SVEP1: variants seen among roughly 807,000 people sequenced by gnomAD.
SVEP1 encodes sushi, von Willebrand factor type A, EGF and pentraxin domain containing 1, also known as sushi, von Willebrand factor type A, EGF and pentraxin domain-containing protein 1.
SVEP1 carries 164 observed loss-of-function variants against 367.3 expected under a neutral mutation model. The observed-to-expected ratio is 0.45, with a 90% CI of 0.39 to 0.51. The LOEUF is 0.51. Among genes scored for constraint, SVEP1 ranks in the 20% least tolerant of loss-of-function variants. The probability of loss-of-function intolerance (pLI) is 0.00; values close to 1 mark genes in which losing one functional copy is unlikely to be tolerated. For synonymous variants in SVEP1, 1,666 were observed against 1,611.6 expected, an observed-to-expected ratio of 1.03 and a Z score of -0.81; for missense variants, 4,117 against 4,425.3, an observed-to-expected ratio of 0.93 and a Z score of 1.98.
chr9:110,454,310 C>G (rs571609988), intron 22 of SVEP1, among the ~76,000 whole-genome samples: 1 of 152,168 alleles, frequency 6.6e-6, no homozygotes, highest in Non-Finnish European at 1.5e-5. Context: ...AGGGTATTCC[C>G]TAGGTTTTCT....
rs1813604701 is a variant in SVEP1 at position 110,489,500 on chromosome 9, T to G, written c.1930+150A>C. The G allele has an allele frequency of 6.3e-6, 4 of 634,476 alleles. No individual in the cohort carries two copies. The Admixed American group carries it at 1.4e-4, about 23-fold the overall frequency. The allele number at this position is 634,476 out of a possible 1,614,324, so 39.3% of individuals were successfully genotyped here. A position where few individuals can be genotyped will look rare whatever the true frequency, so the allele number is the denominator to read the frequency against. ...ATAAAACCATCAGATCTTCTGAGACTTATTCACTATCATGAGGACAGCATG... is the reference window on the plus strand; with the variant it reads ...ATAAAACCATCAGATCTTCTGAGACGTATTCACTATCATGAGGACAGCATG... On this transcript the variant is annotated intron_variant, in intron 9 of 47. Transcript: ENST00000374469.
intron 40 of SVEP1, among the ~76,000 whole-genome samples, 179 bp from the exon 41 acceptor site, chr9:110,389,766 A>AT (rs1377781949): frequency 1.4e-4 from 22 of 152,194 alleles, no homozygotes; most frequent in Non-Finnish European, 2.1e-4. Flanking sequence ...TATTTATCAA[A>AT]TTGCTTCAAA....
At chr9:110,554,054 G>A (rs1198426607) in intron 1 of SVEP1, among the ~76,000 whole-genome samples, 4 of 152,120 alleles carry the variant, frequency 2.6e-5, no homozygotes, top group Admixed American at 2.0e-4. Context: ...CAATTTTCCT[G>A]CAAATTATTT....
intron 40 of SVEP1, among the ~76,000 whole-genome samples, chr9:110,390,012 A>AGT (rs138667082): frequency 0.22 from 25,751 of 115,422 alleles, 2,357 homozygotes; most frequent in Middle Eastern, 0.33. Flanking sequence ...TATACACATA[A>AGT]GTGTGTGTGT....
At chr9:110,462,181 AAAAAG>A (rs1337740144) in intron 18 of SVEP1, among the ~76,000 whole-genome samples, 4 of 152,136 alleles carry the variant, frequency 2.6e-5, no homozygotes, top group African/African-American at 7.2e-5. Context: ...AAAGATGCTC[AAAAAG>A]AAAAGATGTT....
chr9:110,404,464 T>A lies in SVEP1; in HGVS notation c.9529A>T (p.Ser3177Cys). The change falls in exon 39 of 48, where the codon AGT (serine) becomes TGT (cysteine). Residue 3177 changes from serine to cysteine, a missense_variant. Ser to Cys is a moderately radical substitution (Grantham distance 112). This residue lies in a region of SVEP1 where 1,765 missense variants were observed against 1,781.1 expected (regional missense o/e 0.99). Coordinates refer to ENST00000374469, the MANE Select transcript of SVEP1 (RefSeq NM_153366.4). The stretch of plus-strand genomic sequence containing the variant: ...TCCGGGAGAGGACATTTTTTAGGAC[T>A]GCAGGAGATTCTCTCAGGGAACCAG... Reference protein sequence around the residue: ...GRWFPERISCSPKKCPLPENI... With the variant: ...GRWFPERISCCPKKCPLPENI... The A allele has an allele frequency of 6.2e-7, 1 of 1,614,042 alleles. No homozygotes were observed. The highest frequency in any genetic ancestry group is 1.1e-5 in the South Asian group (1 of 91,084).
rs983249345 is a variant in SVEP1, at chr9:110,579,659, C to G, written c.-116G>C. The G allele has an allele frequency of 8.0e-7, 1 of 1,253,880 alleles. No individual in the cohort carries two copies. The highest frequency in any genetic ancestry group is 1.6e-5 in the African/African-American group (1 of 62,270). 77.7% of individuals were successfully genotyped at this position (1,253,880 alleles called of 1,614,324 possible). On this transcript the variant is annotated 5_prime_UTR_variant, in exon 1 of 48. Coordinates refer to ENST00000374469, the MANE Select transcript of SVEP1 (RefSeq NM_153366.4). The surrounding 1 kb of genome is among the most constrained non-coding windows in gnomAD (Gnocchi z 5.3). ...GCGGAGCTGGGCGCGGGGCAGCGGC[C>G]AAGAGCCTCAGCGCCCTTTCATCTG...
intron 36 of SVEP1, among the ~76,000 whole-genome samples, chr9:110,414,040 A>G (rs1326623891): frequency 2.0e-5 from 3 of 151,974 alleles, no homozygotes; most frequent in Non-Finnish European, 2.9e-5. Flanking sequence ...TCAGTTTCCA[A>G]CACCTACACC....
intron 3 of SVEP1, among the ~76,000 whole-genome samples, chr9:110,538,367 A>G (rs1386955931): frequency 6.6e-6 from 1 of 152,084 alleles, no homozygotes; most frequent in Non-Finnish European, 1.5e-5. Flanking sequence ...ACCACTGAGG[A>G]TATTTTTGGG....
In SVEP1 at chr9:110,496,823, C is replaced by T. The variant is rs1010050619; in HGVS notation, c.1792G>A (p.Gly598Ser). 1 of 1,554,036 alleles carries T rather than the reference C, an allele frequency of 6.4e-7. No individual in the cohort carries two copies. Among genetic ancestry groups the T allele is most frequent in the African/African-American group, 1.4e-5 (1 of 73,372 alleles). ...WQIPTAKDNS[G>S]EKVSVHVHPA... ...AATTGCACAAACCTTACCTTTTCAC[C>T]AGAGTTGTCTTTAGCTGTTGGAATC... Residue 598 changes from glycine to serine, a missense_variant, in exon 8 of 48, where the codon GGT (glycine) becomes AGT (serine). Coordinates refer to ENST00000374469, the MANE Select transcript of SVEP1 (RefSeq NM_153366.4).
intron 3 of SVEP1, among the ~76,000 whole-genome samples, chr9:110,528,156 G>GTGTGTGTGTATATATATATATATATA: frequency 2.9e-5 from 1 of 33,940 alleles, no homozygotes; most frequent in Non-Finnish European, 5.7e-5. Flanking sequence ...GTGTGTGTGT[G>GTGTGTGTGTATATATATATATATATA]TATATATATA....
rs771872229 is a variant in SVEP1, at chr9:110,512,911, T to C, written c.1303+15A>G. 1.2e-6 allele frequency: 2 copies of C among 1,613,830 alleles called. No homozygotes were observed. The highest frequency in any genetic ancestry group is 1.7e-5 in the Admixed American group (1 of 60,018). On this transcript the variant is annotated intron_variant, in intron 5 of 47. Coordinates refer to ENST00000374469, the MANE Select transcript of SVEP1 (RefSeq NM_153366.4). ...AAGACAGTAAATAAACAATGTAAAT[T>C]GGCAGTTTGCATACCTCTGCAGTAG...
intron 1 of SVEP1, among the ~76,000 whole-genome samples, chr9:110,566,961 G>A (rs144208274): frequency 5.9e-5 from 9 of 152,198 alleles, no homozygotes; most frequent in Non-Finnish European, 8.8e-5. Context: ...TTGCTCTCTC[G>A]GGAAAGTGAT....
At chr9:110,412,655 G>A (rs1417460592) in intron 36 of SVEP1, among the ~76,000 whole-genome samples, 5 of 151,328 alleles carry the variant, frequency 3.3e-5, no homozygotes, top group African/African-American at 9.8e-5. Context: ...TCTGACAAAG[G>A]GCTAATATCC....
chr9:110,482,446 G>A lies in SVEP1; in HGVS notation c.2085C>T (p.Phe695=). The A allele has an allele frequency of 6.3e-7, 1 of 1,599,136 alleles. No individual in the cohort carries two copies. Among genetic ancestry groups the A allele is most frequent in the Non-Finnish European group, 8.5e-7 (1 of 1,172,018 alleles). Residue 695 remains phenylalanine, a synonymous_variant, in exon 11 of 48, where the codon TTC becomes TTT. Coordinates refer to ENST00000374469, the MANE Select transcript of SVEP1 (RefSeq NM_153366.4). The part of the protein sequence containing the change: ...ITRSHTQGDL[F]PQGETIVQYT... ...ACTGTACTATAGTCTCCCCTTGAGG[G>A]AAAAGGTCTCCTTGTGTATGACTTC...
At chr9:110,464,553 ATCTC>A (rs953607110) in intron 18 of SVEP1, among the ~76,000 whole-genome samples, 30 of 152,022 alleles carry the variant, frequency 2.0e-4, no homozygotes, top group Non-Finnish European at 1.6e-4. Context: ...TTTACTGGTG[ATCTC>A]TCTCTAACTG....
intron 41 of SVEP1, among the ~76,000 whole-genome samples, chr9:110,388,009 A>G (rs1349263377): frequency 6.6e-6 from 1 of 152,190 alleles, no homozygotes; most frequent in East Asian, 1.9e-4. Context: ...AAATCTGGCA[A>G]CCTTACTTAT....
intron 39 of SVEP1, among the ~76,000 whole-genome samples, chr9:110,402,969 A>C (rs1827886190): frequency 6.6e-6 from 1 of 152,218 alleles, no homozygotes; most frequent in African/African-American, 2.4e-5. Context: ...TCAGGCAAGT[A>C]CTAGCAATTT....
chr9:110,376,764 A>G (rs1371268871), intron 45 of SVEP1: 1 of 152,306 alleles, frequency 6.6e-6, no homozygotes, highest in African/African-American at 2.4e-5. Flanking sequence ...TTGTTTCTAT[A>G]AGGATCAAAA....
Sources: allele counts gnomAD v4.1 joint callset (sites outside exome capture counted in the v4.1 genomes callset), GRCh38; gene constraint gnomAD v4.1.1; regional missense constraint gnomAD v4.1.1; non-coding constraint Gnocchi (gnomAD v3.1); transcripts MANE v1.5; gene names NCBI Gene and HGNC (gene_info 2026-07-23, HGNC 2026-07-21).